RPS6KB1: variants seen among roughly 807,000 people sequenced by gnomAD.
RPS6KB1 encodes the protein ribosomal protein S6 kinase B1.
Under a neutral mutation model 70.2 loss-of-function variants are expected in RPS6KB1, and 12 were observed. That is an observed-to-expected ratio of 0.17 (90% confidence interval 0.11 to 0.28). RPS6KB1 has a LOEUF of 0.28. Ranked by LOEUF, RPS6KB1 falls within the 10% of genes least tolerant of loss-of-function variation. The probability of loss-of-function intolerance (pLI) is 1.00; values close to 1 mark genes in which losing one functional copy is unlikely to be tolerated. For missense variants in RPS6KB1, 270 were observed against 646.6 expected, an observed-to-expected ratio of 0.42 and a Z score of 6.32; for synonymous variants, 175 against 211.2, an observed-to-expected ratio of 0.83 and a Z score of 1.49.
At chr17:59,895,332 T>G (rs113515981) in intron 1 of RPS6KB1, among the ~76,000 whole-genome samples, 1 of 115,130 alleles carries the variant, frequency 8.7e-6, no homozygotes, top group African/African-American at 3.4e-5. Flanking sequence ...TTTTTTTTTT[T>G]TTTTTTTGAG....
intron 3 of RPS6KB1, among the ~76,000 whole-genome samples, chr17:59,913,549 G>A (rs1452794200): frequency 1.3e-5 from 2 of 152,144 alleles, no homozygotes; most frequent in African/African-American, 4.8e-5. Context: ...AATGTTTATA[G>A]TTGTCTTTCA....
In RPS6KB1 at chr17:59,949,624, T is replaced by C. The variant is rs1318877073; in HGVS notation, c.*2836T>C. ...GATTAACAATGTAAAGTATTAATTA[T>C]TGAACTTTGAACCAGATTTTTAGGA... On this transcript the variant is annotated 3_prime_UTR_variant, in exon 15 of 15. Transcript: ENST00000225577. The C allele has an allele frequency of 2.0e-5, 3 of 152,560 alleles. No individual in the cohort carries two copies. The highest frequency in any genetic ancestry group is 2.9e-5 in the Non-Finnish European group (2 of 67,958). The allele number at this position is 152,560 out of a possible 1,614,324, so 9.5% of individuals were successfully genotyped here. A position where few individuals can be genotyped will look rare whatever the true frequency, so the allele number is the denominator to read the frequency against.
chr17:59,936,112 A>C (rs2044220106), intron 10 of RPS6KB1, 103 bp from the exon 11 acceptor site: 2 of 1,061,836 alleles, frequency 1.9e-6, no homozygotes, highest in Non-Finnish European at 2.8e-6. Context: ...TGGCCAATAA[A>C]CTATATTTTC....
chr17:59,923,626 C>A (rs2043411767), intron 4 of RPS6KB1, among the ~76,000 whole-genome samples: 1 of 152,184 alleles, frequency 6.6e-6, no homozygotes, highest in South Asian at 2.1e-4. Context: ...TTTTCTGCCT[C>A]CGCCTCCTGA....
At chr17:59,904,272 G>A (rs1221781894) in intron 1 of RPS6KB1, among the ~76,000 whole-genome samples, 2 of 148,692 alleles carry the variant, frequency 1.3e-5, no homozygotes, top group Admixed American at 1.4e-4. Context: ...GTAGAGACAG[G>A]GTTTCACCAC....
intron 10 of RPS6KB1, 90 bp downstream of exon 10, chr17:59,935,390 C>A: frequency 3.0e-6 from 2 of 666,740 alleles, no homozygotes; most frequent in Non-Finnish European, 4.9e-6. Context: ...AATAAAGAGT[C>A]ATATATAAAT....
At chr17:59,919,654 T>C (rs180535) in intron 4 of RPS6KB1, among the ~76,000 whole-genome samples, 21,584 of 151,926 alleles carry the variant, frequency 0.14, 1,680 homozygotes, top group Middle Eastern at 0.19. Flanking sequence ...TCTGTGGATC[T>C]AATCTTTCAC....
intron 2 of RPS6KB1, among the ~76,000 whole-genome samples, chr17:59,911,537 G>GTTTTTTT (rs1568416484): frequency 9.8e-6 from 1 of 101,532 alleles, no homozygotes; most frequent in Admixed American, 9.7e-5. Context: ...ATTTTTGTTG[G>GTTTTTTT]GTTTTTTTTT....
chr17:59,900,230 A>ACCCC (rs71145588), intron 1 of RPS6KB1, among the ~76,000 whole-genome samples: 7 of 136,736 alleles, frequency 5.1e-5, no homozygotes, highest in South Asian at 4.8e-4. Context: ...ACACACACAC[A>ACCCC]CCCCTATGTG....
At chr17:59,940,132 G>A (rs1203202055) in intron 12 of RPS6KB1, among the ~76,000 whole-genome samples, 2 of 152,012 alleles carry the variant, frequency 1.3e-5, no homozygotes, top group African/African-American at 4.8e-5. Context: ...AGTTTTTCAG[G>A]TTTATTACAA....
intron 1 of RPS6KB1, among the ~76,000 whole-genome samples, chr17:59,909,599 G>A (rs559046773): frequency 1.3e-5 from 2 of 151,620 alleles, no homozygotes; most frequent in African/African-American, 4.8e-5. Context: ...AGCTGGGGCC[G>A]GGTGTGATGG....
chr17:59,911,537 G>GT (rs1568416484), intron 2 of RPS6KB1, among the ~76,000 whole-genome samples: 4 of 101,534 alleles, frequency 3.9e-5, no homozygotes, highest in East Asian at 3.6e-4. Context: ...ATTTTTGTTG[G>GT]GTTTTTTTTT....
In RPS6KB1 at chr17:59,934,268, A is replaced by G. The variant is rs1258797575; in HGVS notation, c.779+8A>G. ...TGGAACAATAGAATACATGTGAGCT[A>G]CATGTTAAACATAATTGGTTTGGGG... On this transcript the variant is annotated splice_region_variant and intron_variant, in intron 8 of 14. Transcript: ENST00000225577. This position sits in a 1 kb window ranked among gnomAD's most constrained non-coding sequence, Gnocchi z 4.8. The G allele has an allele frequency of 6.3e-7, 1 of 1,586,084 alleles. No homozygotes were observed. The highest frequency in any genetic ancestry group is 1.7e-5 in the Admixed American group (1 of 59,980).
intron 1 of RPS6KB1, among the ~76,000 whole-genome samples, chr17:59,908,747 T>C (rs568581562): frequency 2.7e-4 from 38 of 141,206 alleles, no homozygotes; most frequent in South Asian, 6.9e-4. Context: ...GCCTCCCGAG[T>C]AGCTGGGACT....
intron 10 of RPS6KB1, 47 bp downstream of exon 10, chr17:59,935,347 G>A (rs1289390906): frequency 2.1e-6 from 2 of 946,400 alleles, no homozygotes; most frequent in Non-Finnish European, 3.4e-6. Context: ...CAATGACTAG[G>A]ATTTAACTAG....
At chr17:59,913,154 G>A (rs2042747156) in intron 3 of RPS6KB1, among the ~76,000 whole-genome samples, 1 of 152,182 alleles carries the variant, frequency 6.6e-6, no homozygotes, top group Admixed American at 6.6e-5. Context: ...AGACATGGCA[G>A]TCTGAGTTGT....
intron 13 of RPS6KB1, 187 bp from the exon 14 acceptor site, chr17:59,945,219 T>C (rs2044853140): frequency 6.4e-6 from 3 of 471,958 alleles, no homozygotes; most frequent in Non-Finnish European, 7.7e-6. Flanking sequence ...TTTCTTGAAG[T>C]GTGTGCCTCA....
chr17:59,933,827 CTA>C (rs2044083972), intron 7 of RPS6KB1, among the ~76,000 whole-genome samples: 1 of 152,174 alleles, frequency 6.6e-6, no homozygotes, highest in African/African-American at 2.4e-5. Flanking sequence ...TGTACGTAAA[CTA>C]GACTTCATAA....
chr17:59,934,980 A>T lies in RPS6KB1; in HGVS notation c.871-213A>T, dbSNP rs1428904810. The T allele has an allele frequency of 4.5e-6, 2 of 449,056 alleles. No individual in the cohort carries two copies. The highest frequency in any genetic ancestry group is 2.0e-5 in the African/African-American group (1 of 49,992). 27.8% of individuals were successfully genotyped at this position (449,056 alleles called of 1,614,324 possible). The stretch of plus-strand genomic sequence containing the variant: ...GGTGGGAGGATCATTTGAGCTAAGG[A>T]TTATTAATAGAATCTAGCCTTGACA... On this transcript the variant is annotated intron_variant, in intron 9 of 14. Coordinates refer to ENST00000225577, the MANE Select transcript of RPS6KB1 (RefSeq NM_003161.4). The surrounding 1 kb of genome is among the most constrained non-coding windows in gnomAD (Gnocchi z 4.8).
Sources: gnomAD v4.1 joint callset for allele counts (sites outside exome capture counted in the v4.1 genomes callset) on GRCh38, gnomAD v4.1.1 for gene constraint, Gnocchi (gnomAD v3.1) non-coding constraint, MANE v1.5 for transcripts, NCBI Gene and HGNC (gene_info 2026-07-23, HGNC 2026-07-21) for gene names.